SIGLEC11: variants seen among roughly 807,000 people sequenced by gnomAD.
SIGLEC11 encodes sialic acid-binding Ig-like lectin 11.
SIGLEC11 carries 47 observed loss-of-function variants against 61.2 expected under a neutral mutation model. The ratio of observed to expected loss-of-function variants is 0.77; its 90% CI spans 0.61 to 0.98. SIGLEC11 has a LOEUF of 0.98. SIGLEC11 is among the 50% of genes least tolerant of loss of function. The probability of loss-of-function intolerance (pLI) is 0.00; values close to 1 mark genes in which losing one functional copy is unlikely to be tolerated. For synonymous variants in SIGLEC11, 278 were observed against 373.1 expected (o/e 0.75, Z 2.94); for missense variants, 610 against 870.3 (o/e 0.70, Z 3.76).
At chr19:49,957,754 C>G (rs900960264) in intron 8 of SIGLEC11, among the ~76,000 whole-genome samples, 2 of 152,258 alleles carry the variant, frequency 1.3e-5, no homozygotes, top group Non-Finnish European at 2.9e-5. Context: ...GTAATCCCAG[C>G]ACTTTGGGAG....
chr19:49,960,430 G>C lies in SIGLEC11; in HGVS notation c.461-9C>G, dbSNP rs2076235956. 6.3e-7 allele frequency: 1 copy of C among 1,585,990 alleles called. No homozygotes were observed. On this transcript the variant is annotated splice_polypyrimidine_tract_variant and intron_variant, in intron 2 of 10. Coordinates refer to ENST00000447370, the MANE Select transcript of SIGLEC11 (RefSeq NM_052884.3). The stretch of plus-strand genomic sequence containing the variant: ...AGGCTTCTTAGTCAGGGCTGGGACA[G>C]AGACCGGGTGGGAGATTCTTGTGCT...
chr19:49,959,178 G>A (rs1337730625), intron 5 of SIGLEC11, 101 bp from the exon 6 acceptor site: 3 of 1,572,900 alleles, frequency 1.9e-6, no homozygotes, highest in East Asian at 2.2e-5. Context: ...GGGTGGGATA[G>A]AAGGGCAGGG....
Position 49,951,878 on chromosome 19 carries a change from G to A in SIGLEC11, c.1830+13C>T, listed in dbSNP as rs2076159928. 1 of 1,581,310 alleles carries A rather than the reference G, an allele frequency of 6.3e-7. No homozygotes were observed. Among genetic ancestry groups the A allele is most frequent in the Non-Finnish European group, 8.6e-7 (1 of 1,164,710 alleles). On this transcript the variant is annotated intron_variant, in intron 10 of 10. Coordinates refer to ENST00000447370, the MANE Select transcript of SIGLEC11 (RefSeq NM_052884.3). This position sits in a 1 kb window ranked among gnomAD's most constrained non-coding sequence, Gnocchi z 4.6. ...ACAGGCAGGGCCCCAGCAGACAGAG[G>A]CTGGGCTCTCACCTGGGAGATGGGT... is the stretch of plus-strand genomic sequence containing the variant.
chr19:49,953,681 G>A (rs76733324), intron 8 of SIGLEC11, among the ~76,000 whole-genome samples: 1 of 152,002 alleles, frequency 6.6e-6, no homozygotes, highest in African/African-American at 2.4e-5. Flanking sequence ...GCTAATAGGA[G>A]CTGCCCTACA....
At chr19:49,958,164 G>C (rs1056453371) in intron 8 of SIGLEC11, 119 bp downstream of exon 8, 1 of 1,421,368 alleles carries the variant, frequency 7.0e-7, no homozygotes, top group African/African-American at 1.4e-5. Context: ...ACAGAGCAGG[G>C]ACTTTGTCCC....
Position 49,955,526 on chromosome 19 carries a change from C to T in SIGLEC11, c.1651+2757G>A, listed in dbSNP as rs972173059. On this transcript the variant is annotated intron_variant, in intron 8 of 10. Coordinates refer to ENST00000447370, the MANE Select transcript of SIGLEC11 (RefSeq NM_052884.3). The surrounding 1 kb of genome is among the most constrained non-coding windows in gnomAD (Gnocchi z 4.5). ...GCGTGCACAGGGGCGGGGCCCACGC[C>T]GTAGCCCAGTCCCACTGGCCAGCTG... 5.3e-5 allele frequency among the ~76,000 whole-genome samples: 8 copies of T among 152,114 alleles called. No homozygotes were observed. The highest frequency in any genetic ancestry group is 8.8e-5 in the Non-Finnish European group (6 of 68,034).
chr19:49,953,808 G>A (rs1403046154), intron 8 of SIGLEC11, among the ~76,000 whole-genome samples: 3 of 152,264 alleles, frequency 2.0e-5, no homozygotes, highest in African/African-American at 4.8e-5. Context: ...GTGCTGGGCC[G>A]TAAAGGAAGG....
rs150499768 is a variant in SIGLEC11 at position 49,950,149 on chromosome 19, G to A, written c.1918C>T (p.Gln640Ter). 59 of 1,611,896 alleles carry A rather than the reference G, an allele frequency of 3.7e-5. No homozygotes were observed. The African/African-American group carries it at 5.6e-4, about 15-fold the overall frequency. The change falls in exon 11 of 11, where the codon CAG becomes TAG. Residue 640 changes from glutamine to a stop codon, truncating the protein, a stop_gained. Transcript: ENST00000447370. LOFTEE classifies it low-confidence loss of function (END_TRUNC). ...CTGAGGGAGGCATAGTGGAGCTCCT[G>A]CTCTTCCCCCTTCCCCGGGGTGTAG... ...ATYTPGKGEE[Q>*]ELHYASLSFQ...
At chr19:49,959,153 T>C in intron 5 of SIGLEC11, 76 bp from the exon 6 acceptor site, 1 of 1,602,642 alleles carries the variant, frequency 6.2e-7, no homozygotes, top group Admixed American at 1.7e-5. Context: ...TCCTGGACAC[T>C]GAGGTGGGGG....
intron 10 of SIGLEC11, among the ~76,000 whole-genome samples, chr19:49,950,622 C>T (rs1233890609): frequency 1.3e-5 from 2 of 152,178 alleles, no homozygotes; most frequent in Non-Finnish European, 2.9e-5. Flanking sequence ...GTTTCTCTGA[C>T]TCCAGTGCCC....
chr19:49,956,061 C>T (rs1210605584), intron 8 of SIGLEC11, among the ~76,000 whole-genome samples: 1 of 152,174 alleles, frequency 6.6e-6, no homozygotes, highest in Non-Finnish European at 1.5e-5. Context: ...ACATTGTCGG[C>T]AGCCTAGGCA....
rs1031531469 is a variant in SIGLEC11 at position 49,955,076 on chromosome 19, G to C, written c.1652-2682C>G. ...TGAAAATCAGCGCATGGTAAACACA[G>C]CATTTGTAGGGCAAGCCCAGGGTGA... On this transcript the variant is annotated intron_variant, in intron 8 of 10. Transcript: ENST00000447370. This position sits in a 1 kb window ranked among gnomAD's most constrained non-coding sequence, Gnocchi z 4.5. Among the ~76,000 whole-genome samples the C allele has an allele frequency of 2.0e-5, 3 of 152,166 alleles. No homozygotes were observed. The East Asian group carries it at 5.8e-4, about 29-fold the overall frequency.
intron 10 of SIGLEC11, 110 bp from the exon 11 acceptor site, chr19:49,950,346 ATTCCACAAAGGTCAG>A: frequency 8.2e-7 from 1 of 1,215,918 alleles, no homozygotes; most frequent in South Asian, 1.9e-5. Context: ...TCACCTACTC[ATTCCACAAAGGTCAG>A]CTGGGCCCTC....
Position 49,955,020 on chromosome 19 carries a change from G to A in SIGLEC11, c.1652-2626C>T, listed in dbSNP as rs1302096098. ...TATAAAAAACTTTGTGAAGCATTCC[G>A]GCCTTACACCCTATTTGACCCTGAG... On this transcript the variant is annotated intron_variant, in intron 8 of 10. Transcript: ENST00000447370. This position sits in a 1 kb window ranked among gnomAD's most constrained non-coding sequence, Gnocchi z 4.5. Among the ~76,000 whole-genome samples, 1 of 152,036 alleles carries A rather than the reference G, an allele frequency of 6.6e-6. No homozygotes were observed. Among genetic ancestry groups the A allele is most frequent in the Non-Finnish European group, 1.5e-5 (1 of 68,016 alleles).
In SIGLEC11 at chr19:49,951,778, A is replaced by G. The variant is rs1477915096; in HGVS notation, c.1830+113T>C. The G allele has an allele frequency of 1.1e-6, 1 of 914,512 alleles. No homozygotes were observed. Among genetic ancestry groups the G allele is most frequent in the Non-Finnish European group, 1.6e-6 (1 of 630,440 alleles). 56.6% of individuals were successfully genotyped at this position (914,512 alleles called of 1,614,324 possible). ...GGGACTGCATTGATGGGGACCCAGG[A>G]GCAAAACCCTATTTGGGGCACAATG... On this transcript the variant is annotated intron_variant, in intron 10 of 10. Transcript: ENST00000447370. This position sits in a 1 kb window ranked among gnomAD's most constrained non-coding sequence, Gnocchi z 4.6.
rs1354018107 is a variant in SIGLEC11, at chr19:49,958,856, C to T, written c.1150G>A (p.Gly384Ser). The change falls in exon 7 of 11, where the codon GGC becomes AGC. Residue 384 changes from glycine to serine, a missense_variant. Around this residue, in one of 6 missense-constraint regions of SIGLEC11, gnomAD observed 432 missense variants for 441.5 expected, o/e 0.98. Transcript: ENST00000447370. Reference sequence around the variant, plus strand: ...ACACAGACCAGGCGCAGGCTTTGGCCCTCCAGGACCGGGAGGGATGTGCCG... The same window carrying T: ...ACACAGACCAGGCGCAGGCTTTGGCTCTCCAGGACCGGGAGGGATGTGCCG... ...GNGTSLPVLE[G>S]QSLRLVCVTH... 20 of 1,605,664 alleles carry T rather than the reference C, an allele frequency of 1.2e-5. No homozygotes were observed. Among genetic ancestry groups the T allele is most frequent in the Non-Finnish European group, 1.6e-5 (19 of 1,175,870 alleles).
Position 49,960,764 on chromosome 19 carries a change from C to A in SIGLEC11, c.248G>T (p.Gly83Val), listed in dbSNP as rs1407440654. The change falls in exon 2 of 11, where the codon GGT becomes GTT. Residue 83 changes from glycine to valine, a missense_variant. This residue lies in a region of SIGLEC11 where 99 missense variants were observed against 131.6 expected (regional missense o/e 0.75). Coordinates refer to ENST00000447370, the MANE Select transcript of SIGLEC11 (RefSeq NM_052884.3). ...CTGGTTGTTAGTGGCCACAGGAGCA[C>A]CCGTCTTTGGGCTGGTCCGTCCTTT... The part of the protein sequence containing the change: ...WFKGRTSPKT[G>V]APVATNNQSR... 6 of 1,613,616 alleles carry A rather than the reference C, an allele frequency of 3.7e-6. No individual in the cohort carries two copies. The East Asian group carries it at 1.3e-4, about 36-fold the overall frequency.
At chr19:49,950,264 AT>A (rs1285010075) in intron 10 of SIGLEC11, 28 bp from the exon 11 acceptor site, 1 of 1,520,414 alleles carries the variant, frequency 6.6e-7, no homozygotes, top group Admixed American at 1.9e-5. Flanking sequence ...AGGGGGTCAA[AT>A]TAGGGTCATG....
intron 9 of SIGLEC11, 80 bp downstream of exon 9, chr19:49,952,218 A>G (rs967803648): frequency 7.0e-7 from 1 of 1,437,304 alleles, no homozygotes; most frequent in Non-Finnish European, 9.6e-7. Context: ...CCCCATCTAG[A>G]TTCCTGCAGC....
Sources: gnomAD v4.1 joint callset for allele counts (sites outside exome capture counted in the v4.1 genomes callset) on GRCh38, gnomAD v4.1.1 for gene constraint, gnomAD v4.1.1 regional missense constraint, Gnocchi (gnomAD v3.1) non-coding constraint, MANE v1.5 for transcripts, NCBI Gene and HGNC (gene_info 2026-07-23, HGNC 2026-07-21) for gene names.